Variants in CWF19L1 observed in about 807,000 individuals in gnomAD.
CWF19L1 encodes CWF19 like cell cycle control factor 1.
CWF19L1 carries 60 observed loss-of-function variants against 69.7 expected under a neutral mutation model. The ratio of observed to expected loss-of-function variants is 0.86; its 90% confidence interval spans 0.70 to 1.07. The LOEUF (loss-of-function observed/expected upper bound fraction) is 1.07. Among genes scored for constraint, CWF19L1 ranks in the 50% least tolerant of loss-of-function variants. The pLI is 0.00. For synonymous variants in CWF19L1, 209 were observed against 222.2 expected (o/e 0.94, Z 0.53); for missense variants, 591 against 638.9 (o/e 0.92, Z 0.81).
intron 6 of CWF19L1, among the ~76,000 whole-genome samples, chr10:100,253,094 A>T (rs892383366): frequency 2.6e-5 from 4 of 152,170 alleles, no homozygotes; most frequent in African/African-American, 9.7e-5. Context: ...GTCATTGCAC[A>T]CTATAGTCTT....
rs537614185 is a variant in CWF19L1, at chr10:100,236,798, C to A, written c.1374+52G>T. 1.2e-4 allele frequency: 189 copies of A among 1,528,586 alleles called. 1 individual carries two copies. The East Asian group carries it at 1.5e-3, about 12-fold the overall frequency. 94.7% of individuals were successfully genotyped at this position (1,528,586 alleles called of 1,614,324 possible). ...CAAACAAACAAACAACAAACAACAA[C>A]AAAAAAAACAGATATTTACTCTTCC... On this transcript the variant is annotated intron_variant, in intron 12 of 13. Coordinates refer to ENST00000354105, the MANE Select transcript of CWF19L1 (RefSeq NM_018294.6).
At chr10:100,241,000 C>CTCTTTTTTTTTTT (rs1846618012) in intron 10 of CWF19L1, among the ~76,000 whole-genome samples, 1 of 70,610 alleles carries the variant, frequency 1.4e-5, no homozygotes, top group African/African-American at 6.4e-5. Context: ...CTAATTAAGC[C>CTCTTTTTTTTTTT]TTTTTTTTTT....
chr10:100,233,297 TC>T lies in CWF19L1; in HGVS notation c.1546del (p.Glu516LysfsTer37). ...GCGGCGAGCCAGGGTCTCCTCGTCTTCCTTGCTGATCTGACACTGCCTCCAG... is the reference window on the plus strand; with the variant it reads ...GCGGCGAGCCAGGGTCTCCTCGTCTTCTTGCTGATCTGACACTGCCTCCAG... ...SDWRQCQISK[E>X]DEETLARRFR... is the part of the protein sequence containing the mutation. On this transcript the variant is annotated frameshift_variant, in exon 14 of 14. Transcript: ENST00000354105. LOFTEE classifies it high-confidence loss of function. 1 of 1,614,108 alleles carries T rather than the reference TC, an allele frequency of 6.2e-7. No individual in the cohort carries two copies. Among genetic ancestry groups the T allele is most frequent in the South Asian group, 1.1e-5 (1 of 91,062 alleles).
intron 6 of CWF19L1, among the ~76,000 whole-genome samples, chr10:100,253,080 C>T (rs1051944496): frequency 6.6e-6 from 1 of 152,126 alleles, no homozygotes; most frequent in Admixed American, 6.6e-5. Context: ...TATTCACAGG[C>T]GTAGTCATTG....
At chr10:100,247,867 G>A (rs1292800065) in intron 7 of CWF19L1, among the ~76,000 whole-genome samples, 2 of 152,058 alleles carry the variant, frequency 1.3e-5, no homozygotes, top group Non-Finnish European at 2.9e-5. Flanking sequence ...CTACACTCCA[G>A]CCTGGGCAAT....
At chr10:100,260,551 C>T (rs1847366260) in intron 3 of CWF19L1, among the ~76,000 whole-genome samples, 2 of 151,736 alleles carry the variant, frequency 1.3e-5, no homozygotes, top group South Asian at 4.2e-4. Context: ...GAGACAGAGC[C>T]TTGCTCTGTC....
intron 7 of CWF19L1, among the ~76,000 whole-genome samples, chr10:100,247,810 C>T (rs899790260): frequency 2.6e-5 from 4 of 152,148 alleles, no homozygotes; most frequent in East Asian, 1.9e-4. Context: ...GCAGGAGAAT[C>T]GCTTGAACAT....
chr10:100,248,414 G>T, intron 7 of CWF19L1: 1 of 717,868 alleles, frequency 1.4e-6, no homozygotes, highest in African/African-American at 1.7e-5. Context: ...CTGTGGTACG[G>T]GAAGGGACTC....
intron 7 of CWF19L1, 60 bp from the exon 8 acceptor site, chr10:100,246,995 A>C: frequency 7.0e-7 from 1 of 1,435,110 alleles, no homozygotes; most frequent in Non-Finnish European, 9.5e-7. Flanking sequence ...ACTGTAATCA[A>C]CCTATTTTAC....
chr10:100,237,577 CT>C (rs1846486774), intron 11 of CWF19L1, among the ~76,000 whole-genome samples: 1 of 152,074 alleles, frequency 6.6e-6, no homozygotes, highest in Non-Finnish European at 1.5e-5. Context: ...TCTTTAAAAA[CT>C]TTTTAAATGA....
At position 100,243,290 on chromosome 10, in the gene CWF19L1, G is replaced by T. The variant is rs1232666152; in HGVS notation, c.1044+408C>A. ...CATCTATACACTGGAATATGATTTG[G>T]CAATAAAAAGGAATGAAATACTGAT... On this transcript the variant is annotated intron_variant, in intron 10 of 13. Transcript: ENST00000354105. Among the ~76,000 whole-genome samples the T allele has an allele frequency of 2.0e-5, 3 of 152,032 alleles. No individual in the cohort carries two copies. In the South Asian group the frequency reaches 6.2e-4, roughly 32 times the overall value.
rs751156225 is a variant in CWF19L1 at position 100,246,939 on chromosome 10, T to C, written c.709-4A>G. ...CAATACTGAACGCGTAAAGATACTT[T>C]AGAGAAAAAGAACATAATGACATTA... On this transcript the variant is annotated splice_region_variant and splice_polypyrimidine_tract_variant and intron_variant, in intron 7 of 13. Coordinates refer to ENST00000354105, the MANE Select transcript of CWF19L1 (RefSeq NM_018294.6). 3.1e-5 allele frequency: 49 copies of C among 1,596,566 alleles called. No individual in the cohort carries two copies. In the Admixed American group the frequency reaches 8.2e-4, roughly 27 times the overall value.
intron 11 of CWF19L1, 136 bp downstream of exon 11, chr10:100,237,886 C>A (rs1472166529): frequency 8.2e-6 from 6 of 732,470 alleles, no homozygotes; most frequent in Non-Finnish European, 1.4e-5. Context: ...TGAGCTCAGG[C>A]AATCCAACCG....
chr10:100,260,338 A>G lies in CWF19L1; in HGVS notation c.188-19T>C, dbSNP rs1847357705. The G allele has an allele frequency of 7.4e-7, 1 of 1,351,870 alleles. No individual in the cohort carries two copies. Among genetic ancestry groups the G allele is most frequent in the African/African-American group, 1.4e-5 (1 of 69,460 alleles). 83.7% of individuals were successfully genotyped at this position (1,351,870 alleles called of 1,614,324 possible). ...ATAGGAGCTAGTGAGGGAAACAGAC[A>G]TGACACCATATAGTTACCAGATCTG... On this transcript the variant is annotated intron_variant, in intron 3 of 13. Transcript: ENST00000354105.
At chr10:100,253,138 G>A (rs906519359) in intron 6 of CWF19L1, among the ~76,000 whole-genome samples, 6 of 152,136 alleles carry the variant, frequency 3.9e-5, no homozygotes, top group Admixed American at 1.3e-4. Context: ...TCCTGCCTCA[G>A]CCTTCCAAGT....
chr10:100,266,693 T>TTTTTGTGTG lies in CWF19L1; in HGVS notation c.23+877_23+878insCACACAAAA, dbSNP rs199826886. Among the ~76,000 whole-genome samples, 41 of 149,916 alleles carry TTTTTGTGTG rather than the reference T, an allele frequency of 2.7e-4. 1 individual carries two copies. The South Asian group carries it at 5.3e-3, about 19-fold the overall frequency. ...ACCACGCCTGGCTAATTTTTTTTTT[T>TTTTTGTGTG]TGTATTAGTAGAGACGGGGTGTCAC... On this transcript the variant is annotated intron_variant, in intron 1 of 13. Transcript: ENST00000354105.
intron 7 of CWF19L1, chr10:100,248,439 T>C: frequency 1.4e-6 from 1 of 697,346 alleles, no homozygotes; most frequent in Non-Finnish European, 2.6e-6. Flanking sequence ...TCTCATTCCA[T>C]GGGTACACAA....
chr10:100,241,672 C>A (rs1846644523), intron 10 of CWF19L1, among the ~76,000 whole-genome samples: 1 of 152,224 alleles, frequency 6.6e-6, no homozygotes, highest in Admixed American at 6.5e-5. Flanking sequence ...AAGTGCATAG[C>A]ACTGGCACCT....
At position 100,243,249 on chromosome 10, in the gene CWF19L1, T is replaced by C. The variant is rs529343095; in HGVS notation, c.1044+449A>G. ...ACGTCCATCAGCTGATGAACAGATATAGACGAAATGTGGTACATCTATACA... is the reference window on the plus strand; with the variant it reads ...ACGTCCATCAGCTGATGAACAGATACAGACGAAATGTGGTACATCTATACA... On this transcript the variant is annotated intron_variant, in intron 10 of 13. Transcript: ENST00000354105. Among the ~76,000 whole-genome samples the C allele has an allele frequency of 2.0e-5, 3 of 152,226 alleles. 1 individual carries two copies. The East Asian group carries it at 5.8e-4, about 29-fold the overall frequency.
Sources: gnomAD v4.1 joint callset for allele counts (sites outside exome capture counted in the v4.1 genomes callset) on GRCh38, gnomAD v4.1.1 for gene constraint, MANE v1.5 for transcripts, NCBI Gene and HGNC (gene_info 2026-07-23, HGNC 2026-07-21) for gene names.